Variants in KCNJ8 observed in about 807,000 individuals in gnomAD.
The protein encoded by KCNJ8 is ATP-sensitive inward rectifier potassium channel 8.
Under a neutral mutation model 28.2 loss-of-function variants are expected in KCNJ8, and 13 were observed. The ratio of observed to expected loss-of-function variants is 0.46; its 90% confidence interval spans 0.30 to 0.73. The LOEUF (loss-of-function observed/expected upper bound fraction) is 0.73. KCNJ8 is among the 30% of genes least tolerant of loss of function. The pLI is 0.07. For synonymous variants in KCNJ8, 188 were observed against 195.9 expected (o/e 0.96, Z 0.34); for missense variants, 284 against 542.6 (o/e 0.52, Z 4.73).
chr12:21,772,677 TGCAA>T (rs1373503490), intron 2 of KCNJ8, among the ~76,000 whole-genome samples: 1 of 152,242 alleles, frequency 6.6e-6, no homozygotes, highest in Admixed American at 6.5e-5. Context: ...CTGAATCCAG[TGCAA>T]GCAATCAGCT....
chr12:21,766,515 G>T lies in KCNJ8; in HGVS notation c.483C>A (p.Leu161=). ...TGATGATCAAACCCACAATATTCTG[G>T]AGAATCAAAACCGTGATGGCCAAAG... The part of the protein sequence containing the change: ...ECPLAITVLI[L]QNIVGLIINA... The change falls in exon 3 of 3, where the codon CTC becomes CTA. Residue 161 remains leucine, a synonymous_variant. Transcript: ENST00000240662. The surrounding 1 kb of genome is among the most constrained non-coding windows in gnomAD (Gnocchi z 6.5). The T allele has an allele frequency of 6.2e-7, 1 of 1,613,434 alleles. No homozygotes were observed. Among genetic ancestry groups the T allele is most frequent in the Non-Finnish European group, 8.5e-7 (1 of 1,180,014 alleles).
At chr12:21,774,525 C>G (rs1005896925) in intron 1 of KCNJ8, 21 bp downstream of exon 1, 12 of 152,188 alleles carry the variant, frequency 7.9e-5, no homozygotes, top group African/African-American at 2.9e-4. Flanking sequence ...TCCGCTCCCC[C>G]GGAGCAGCTT....
At position 21,769,709 on chromosome 12, in the gene KCNJ8, A is replaced by G. The variant is rs990069599; in HGVS notation, c.375-3086T>C. ...CAGGAGTTGGGAAGAAGTTCATTCT[A>G]ATTCTCATGAATGAGTTTGAGGGGT... On this transcript the variant is annotated intron_variant, in intron 2 of 2. Coordinates refer to ENST00000240662, the MANE Select transcript of KCNJ8 (RefSeq NM_004982.4). Among the ~76,000 whole-genome samples the G allele has an allele frequency of 5.9e-5, 9 of 152,272 alleles. 1 individual carries two copies. Among genetic ancestry groups the G allele is most frequent in the East Asian group, 1.9e-4 (1 of 5,182 alleles).
intron 2 of KCNJ8, among the ~76,000 whole-genome samples, chr12:21,771,666 T>G (rs919899602): frequency 4.6e-5 from 7 of 152,222 alleles, no homozygotes; most frequent in African/African-American, 1.7e-4. Context: ...TACATTCTCA[T>G]TGGGAGAGAA....
intron 2 of KCNJ8, among the ~76,000 whole-genome samples, chr12:21,770,191 G>A (rs1329751521): frequency 6.6e-6 from 1 of 152,090 alleles, no homozygotes; most frequent in Non-Finnish European, 1.5e-5. Context: ...AGATCAATCA[G>A]CAGCCATCAA....
rs777903740 is a variant in KCNJ8 at position 21,773,203 on chromosome 12, T to C, written c.374+40A>G. 1.9e-6 allele frequency: 3 copies of C among 1,606,170 alleles called. No homozygotes were observed. Among genetic ancestry groups the C allele is most frequent in the Admixed American group, 3.3e-5 (2 of 60,028 alleles). On this transcript the variant is annotated intron_variant, in intron 2 of 2. Transcript: ENST00000240662. The surrounding 1 kb of genome is among the most constrained non-coding windows in gnomAD (Gnocchi z 4.6). ...AAAGGGCATTTTGACATTTTTTCTC[T>C]ACTGTTTTCAACCCCTGCCTCATCC... is the stretch of plus-strand genomic sequence containing the variant.
chr12:21,770,163 C>T (rs1940725303), intron 2 of KCNJ8, among the ~76,000 whole-genome samples: 1 of 152,172 alleles, frequency 6.6e-6, no homozygotes, highest in Admixed American at 6.5e-5. Flanking sequence ...CCACCCCAAC[C>T]TTGAGCAACC....
intron 2 of KCNJ8, among the ~76,000 whole-genome samples, chr12:21,771,004 T>A (rs77369746): frequency 0.035 from 5,282 of 152,286 alleles, 165 homozygotes; most frequent in Admixed American, 0.1. Flanking sequence ...AGCTTTTAAG[T>A]GAAGTGCGAA....
chr12:21,767,984 T>G (rs571595514), intron 2 of KCNJ8, among the ~76,000 whole-genome samples: 1 of 152,182 alleles, frequency 6.6e-6, no homozygotes, highest in South Asian at 2.1e-4. Flanking sequence ...TGTAATTGTT[T>G]AGGGCAGCAG....
In KCNJ8 at chr12:21,773,534, C is replaced by G. The variant is rs768851540; in HGVS notation, c.83G>C (p.Arg28Pro). 2.0e-5 allele frequency: 32 copies of G among 1,614,100 alleles called. No homozygotes were observed. Among genetic ancestry groups the G allele is most frequent in the Non-Finnish European group, 2.7e-5 (32 of 1,180,052 alleles). Residue 28 changes from arginine (R) to proline (P), a missense_variant, in exon 2 of 3, where the codon CGA (arginine) becomes CCA (proline). Coordinates refer to ENST00000240662, the MANE Select transcript of KCNJ8 (RefSeq NM_004982.4). This position sits in a 1 kb window ranked among gnomAD's most constrained non-coding sequence, Gnocchi z 4.6. ...GAAGCGGGCTTTGGGGAGGCGGTCT[C>G]GGATGCGCGGCTTGCGCAGGTTCTC... ...AAENLRKPRI[R>P]DRLPKARFIA... is the part of the protein sequence containing the mutation.
Position 21,766,708 on chromosome 12 carries a change from C to G in KCNJ8, c.375-85G>C. 1 of 1,114,354 alleles carries G rather than the reference C, an allele frequency of 9.0e-7. No homozygotes were observed. 69.0% of individuals were successfully genotyped at this position (1,114,354 alleles called of 1,614,324 possible). ...GCCAAGCTGAGCTTTTCATTTTCTTCCACCAAAGACTATTAAATGCTTGCA... is the reference window on the plus strand; with the variant it reads ...GCCAAGCTGAGCTTTTCATTTTCTTGCACCAAAGACTATTAAATGCTTGCA... On this transcript the variant is annotated intron_variant, in intron 2 of 2. Transcript: ENST00000240662. This position sits in a 1 kb window ranked among gnomAD's most constrained non-coding sequence, Gnocchi z 6.5.
chr12:21,773,650 C>T lies in KCNJ8; in HGVS notation c.-34G>A, dbSNP rs1565662307. On this transcript the variant is annotated 5_prime_UTR_variant, in exon 2 of 3. Coordinates refer to ENST00000240662, the MANE Select transcript of KCNJ8 (RefSeq NM_004982.4). This position sits in a 1 kb window ranked among gnomAD's most constrained non-coding sequence, Gnocchi z 4.6. The stretch of plus-strand genomic sequence containing the variant: ...CACCATAGCCAGCTTAGCCACCTCC[C>T]TCTCACCTGCCTCTCCGTCCCTGGA... 3.1e-6 allele frequency: 5 copies of T among 1,608,058 alleles called. No homozygotes were observed. The highest frequency in any genetic ancestry group is 2.7e-5 in the African/African-American group (2 of 74,896).
chr12:21,768,784 C>G (rs555472293), intron 2 of KCNJ8, among the ~76,000 whole-genome samples: 3 of 152,312 alleles, frequency 2.0e-5, no homozygotes, highest in Admixed American at 6.5e-5. Context: ...TCACAACATT[C>G]CCCTAAGCCA....
chr12:21,767,493 T>G (rs965246230), intron 2 of KCNJ8, among the ~76,000 whole-genome samples: 2 of 152,152 alleles, frequency 1.3e-5, no homozygotes, highest in Non-Finnish European at 2.9e-5. Context: ...ATTGCACATG[T>G]GGGAGATATA....
chr12:21,765,554 G>T lies in KCNJ8; in HGVS notation c.*169C>A. On this transcript the variant is annotated 3_prime_UTR_variant, in exon 3 of 3. Coordinates refer to ENST00000240662, the MANE Select transcript of KCNJ8 (RefSeq NM_004982.4). Reference sequence around the variant, plus strand: ...ATAAGCCATGAATCCTCCACTTGGTGTGTTACTTTTTATTACTACAGAAAG... The same window carrying T: ...ATAAGCCATGAATCCTCCACTTGGTTTGTTACTTTTTATTACTACAGAAAG... The T allele has an allele frequency of 1.5e-6, 1 of 670,828 alleles. No individual in the cohort carries two copies. 41.6% of individuals were successfully genotyped at this position (670,828 alleles called of 1,614,324 possible).
chr12:21,766,066 G>A lies in KCNJ8; in HGVS notation c.932C>T (p.Thr311Ile), dbSNP rs1417136656. ...TTGGATCTCCTCAGCAATGTAGGAG[G>A]TTCGTGCTTGTGTGGTGATGCCAGT... Reference protein sequence around the residue: ...ETTGITTQARTSYIAEEIQWG... With the variant: ...ETTGITTQARISYIAEEIQWG... The change falls in exon 3 of 3, where the codon ACC (threonine) becomes ATC (isoleucine). Residue 311 changes from threonine (T) to isoleucine (I), a missense_variant. This residue lies in a region of KCNJ8 where 107 missense variants were observed against 235.6 expected (regional missense o/e 0.45). Transcript: ENST00000240662. This position sits in a 1 kb window ranked among gnomAD's most constrained non-coding sequence, Gnocchi z 6.5. 3 of 1,614,148 alleles carry A rather than the reference G, an allele frequency of 1.9e-6. No individual in the cohort carries two copies. Among genetic ancestry groups the A allele is most frequent in the Non-Finnish European group, 2.5e-6 (3 of 1,179,996 alleles).
intron 2 of KCNJ8, among the ~76,000 whole-genome samples, chr12:21,772,995 A>G (rs945409247): frequency 1.3e-5 from 2 of 152,204 alleles, no homozygotes; most frequent in African/African-American, 2.4e-5. Context: ...GATAACTGGT[A>G]TAACATTTTC....
chr12:21,765,647 G>T lies in KCNJ8; in HGVS notation c.*76C>A. The T allele has an allele frequency of 8.2e-7, 1 of 1,218,992 alleles. No homozygotes were observed. The highest frequency in any genetic ancestry group is 1.2e-6 in the Non-Finnish European group (1 of 820,504). The allele number at this position is 1,218,992 out of a possible 1,614,324, so 75.5% of individuals were successfully genotyped here. ...TAGAAGGACACATTATTGTGTTCCAGCTCTGGTTCAGTCTGGCAGTGCCCA... is the reference window on the plus strand; with the variant it reads ...TAGAAGGACACATTATTGTGTTCCATCTCTGGTTCAGTCTGGCAGTGCCCA... On this transcript the variant is annotated 3_prime_UTR_variant, in exon 3 of 3. Coordinates refer to ENST00000240662, the MANE Select transcript of KCNJ8 (RefSeq NM_004982.4).
In KCNJ8 at chr12:21,773,129, AAAAC is replaced by A. The variant is rs1940799542; in HGVS notation, c.374+110_374+113del. On this transcript the variant is annotated intron_variant, in intron 2 of 2. Transcript: ENST00000240662. This position sits in a 1 kb window ranked among gnomAD's most constrained non-coding sequence, Gnocchi z 4.6. Reference sequence around the variant, plus strand: ...GTGCTTTTTTGTTTCTGAAGATTCTAAAACAAACCCTTTATTTCACTTTCAATTA... The same window carrying A: ...GTGCTTTTTTGTTTCTGAAGATTCTAAAACCCTTTATTTCACTTTCAATTA... 5.5e-6 allele frequency: 7 copies of A among 1,282,036 alleles called. No individual in the cohort carries two copies. The highest frequency in any genetic ancestry group is 2.9e-5 in the African/African-American group (2 of 68,274). The allele number at this position is 1,282,036 out of a possible 1,614,324, so 79.4% of individuals were successfully genotyped here. A position where few individuals can be genotyped will look rare whatever the true frequency, so the allele number is the denominator to read the frequency against.
Sources: allele counts gnomAD v4.1 joint callset (sites outside exome capture counted in the v4.1 genomes callset), GRCh38; gene constraint gnomAD v4.1.1; regional missense constraint gnomAD v4.1.1; non-coding constraint Gnocchi (gnomAD v3.1); transcripts MANE v1.5; gene names NCBI Gene and HGNC (gene_info 2026-07-23, HGNC 2026-07-21).